NUP54: variants seen among roughly 807,000 people sequenced by gnomAD.
The protein encoded by NUP54 is nucleoporin 54, also known as nucleoporin p54.
NUP54 carries 27 observed loss-of-function variants against 66.4 expected under a neutral mutation model. That is an observed-to-expected ratio of 0.41 (90% confidence interval 0.30 to 0.56). The LOEUF (loss-of-function observed/expected upper bound fraction) is 0.56, where lower values mean the gene tolerates loss of function less well. Ranked by LOEUF, NUP54 falls within the 20% of genes least tolerant of loss-of-function variation. NUP54 has a pLI of 0.34. For missense variants in NUP54, 486 were observed against 596.3 expected (o/e 0.82, Z 1.93); for synonymous variants, 206 against 210.7 (o/e 0.98, Z 0.19).
intron 9 of NUP54, among the ~76,000 whole-genome samples, chr4:76,123,506 T>A (rs1730325740): frequency 6.6e-6 from 1 of 152,146 alleles, no homozygotes; most frequent in Non-Finnish European, 1.5e-5. Context: ...ATGCAGCATC[T>A]TCTTTTTTTT....
intron 8 of NUP54, among the ~76,000 whole-genome samples, chr4:76,129,577 A>G (rs1449106237): frequency 6.6e-6 from 1 of 152,148 alleles, no homozygotes; most frequent in African/African-American, 2.4e-5. Context: ...AAACCTCAGC[A>G]AAGTTGGCCG....
At chr4:76,147,792 G>A (rs761351262) in intron 1 of NUP54, 11 of 431,294 alleles carry the variant, frequency 2.6e-5, no homozygotes, top group Admixed American at 3.7e-5. Context: ...AAGCAGAGTG[G>A]GGGTGGGGTG....
intron 8 of NUP54, among the ~76,000 whole-genome samples, chr4:76,127,410 C>A (rs537098143): frequency 1.7e-5 from 2 of 120,398 alleles, no homozygotes; most frequent in Non-Finnish European, 1.6e-5. Flanking sequence ...CCAGCCTGGG[C>A]GACAGAACGA....
intron 3 of NUP54, among the ~76,000 whole-genome samples, chr4:76,137,236 G>A (rs927025194): frequency 1.3e-5 from 2 of 152,042 alleles, no homozygotes; most frequent in African/African-American, 2.4e-5. Flanking sequence ...GAGCTCAAGC[G>A]ACTCTCCTGC....
chr4:76,148,234 G>C, intron 1 of NUP54, 74 bp downstream of exon 1: 1 of 1,042,712 alleles, frequency 9.6e-7, no homozygotes, highest in South Asian at 3.9e-5. Flanking sequence ...CCCCAGGTCG[G>C]AGAGTCTCGG....
chr4:76,123,268 T>A (rs1291031155), intron 9 of NUP54, among the ~76,000 whole-genome samples: 1 of 152,222 alleles, frequency 6.6e-6, no homozygotes, highest in Admixed American at 6.5e-5. Flanking sequence ...ATTCCTCAAT[T>A]GTCTAGAATA....
At chr4:76,142,706 G>A (rs1361853530) in intron 3 of NUP54, among the ~76,000 whole-genome samples, 3 of 152,206 alleles carry the variant, frequency 2.0e-5, no homozygotes, top group Non-Finnish European at 4.4e-5. Flanking sequence ...AGCCATCAAA[G>A]ACTAATAACC....
At chr4:76,116,135 AAGAC>A (rs142837434) in intron 11 of NUP54, among the ~76,000 whole-genome samples, 30 of 152,356 alleles carry the variant, frequency 2.0e-4, no homozygotes, top group African/African-American at 6.0e-4. Context: ...AATTTTAAAA[AAGAC>A]AGGTGTTTAA....
intron 11 of NUP54, among the ~76,000 whole-genome samples, 166 bp downstream of exon 11, chr4:76,117,498 T>C (rs925620419): frequency 1.3e-5 from 2 of 152,192 alleles, no homozygotes; most frequent in African/African-American, 4.8e-5. Flanking sequence ...AACACTACAC[T>C]GTTTTCCATA....
chr4:76,123,785 A>AT (rs1730340764), intron 9 of NUP54, among the ~76,000 whole-genome samples: 1 of 152,158 alleles, frequency 6.6e-6, no homozygotes, highest in African/African-American at 2.4e-5. Context: ...AAGTTCTAGG[A>AT]TTACAAGAGT....
intron 9 of NUP54, among the ~76,000 whole-genome samples, chr4:76,122,349 C>T (rs1315506933): frequency 6.6e-6 from 1 of 152,010 alleles, no homozygotes; most frequent in Non-Finnish European, 1.5e-5. Context: ...CAAATACATA[C>T]AGTCGTGTAA....
intron 3 of NUP54, among the ~76,000 whole-genome samples, chr4:76,141,137 A>G (rs1731253136): frequency 6.7e-6 from 1 of 149,842 alleles, no homozygotes; most frequent in South Asian, 2.1e-4. Context: ...AGTAAAAGGG[A>G]GCTAATAAGT....
Position 76,114,742 on chromosome 4 carries a change from T to G in NUP54, c.*624A>C, listed in dbSNP as rs10654. The G allele has an allele frequency of 6.8e-6, 1 of 147,494 alleles. No homozygotes were observed. Among genetic ancestry groups the G allele is most frequent in the Non-Finnish European group, 1.5e-5 (1 of 65,980 alleles). 9.1% of individuals were successfully genotyped at this position (147,494 alleles called of 1,614,324 possible). A position where few individuals can be genotyped will look rare whatever the true frequency, so the allele number is the denominator to read the frequency against. On this transcript the variant is annotated 3_prime_UTR_variant, in exon 12 of 12. Coordinates refer to ENST00000264883, the MANE Select transcript of NUP54 (RefSeq NM_017426.4). ...TAAAAAGGCTTAAAAAACAAAATGG[T>G]TGCAAAAATGGTTAAGTAGTTTTGT...
intron 8 of NUP54, among the ~76,000 whole-genome samples, chr4:76,127,498 A>T (rs962390026): frequency 6.6e-6 from 1 of 151,656 alleles, no homozygotes; most frequent in Non-Finnish European, 1.5e-5. Flanking sequence ...TTCATACCAC[A>T]TACTTTATAT....
At chr4:76,126,137 G>C (rs1300205645) in intron 8 of NUP54, among the ~76,000 whole-genome samples, 1 of 152,092 alleles carries the variant, frequency 6.6e-6, no homozygotes, top group Non-Finnish European at 1.5e-5. Flanking sequence ...CAGAGGAAAA[G>C]GAATGATATT....
intron 7 of NUP54, chr4:76,130,976 A>T (rs956805666): frequency 1.7e-6 from 1 of 600,674 alleles, no homozygotes; most frequent in African/African-American, 1.9e-5. Flanking sequence ...ATTAAATGAA[A>T]ACGCAAATAG....
rs1730896687 is a variant in NUP54, at chr4:76,133,369, A to ATGTG, written c.711-651_711-650insCACA. 1.2e-4 allele frequency among the ~76,000 whole-genome samples: 18 copies of ATGTG among 151,670 alleles called. No individual in the cohort carries two copies. In the South Asian group the frequency reaches 3.6e-3, roughly 30 times the overall value. ...CCCTCAGGCTGGAGTTCAGTGGCTCAATCTTGGCTCACTGCAAGCTCCGCC... is the reference window on the plus strand; with the variant it reads ...CCCTCAGGCTGGAGTTCAGTGGCTCATGTGATCTTGGCTCACTGCAAGCTCCGCC... On this transcript the variant is annotated intron_variant, in intron 5 of 11. Coordinates refer to ENST00000264883, the MANE Select transcript of NUP54 (RefSeq NM_017426.4).
At chr4:76,147,361 G>A in intron 1 of NUP54, 1 of 578,170 alleles carries the variant, frequency 1.7e-6, no homozygotes, top group Non-Finnish European at 2.5e-6. Context: ...TCGAGATAAG[G>A]AAATAAATTT....
At chr4:76,129,966 G>GTTTTTTTTTTTTTTTTTTTTTTTTTTTTT (rs775109047) in intron 8 of NUP54, among the ~76,000 whole-genome samples, 1 of 56,824 alleles carries the variant, frequency 1.8e-5, no homozygotes, top group Non-Finnish European at 3.0e-5. Flanking sequence ...AATTATGAAA[G>GTTTTTTTTTTTTTTTTTTTTTTTTTTTTT]TTTTTTTTTT....
Sources: gnomAD v4.1 joint callset for allele counts (sites outside exome capture counted in the v4.1 genomes callset) on GRCh38, gnomAD v4.1.1 for gene constraint, MANE v1.5 for transcripts, NCBI Gene and HGNC (gene_info 2026-07-23, HGNC 2026-07-21) for gene names.